The following ARHGAP10 variants were observed in gnomAD, a reference collection of about 807,000 sequenced individuals.
ARHGAP10 encodes the protein rho GTPase-activating protein 10.
In ARHGAP10, 87 loss-of-function variants were observed where a neutral mutation model predicts 108.6. The observed-to-expected ratio is 0.80, with a 90% confidence interval of 0.67 to 0.96. ARHGAP10 has a LOEUF of 0.96. Ranked by LOEUF, ARHGAP10 falls within the 40% of genes least tolerant of loss-of-function variation. ARHGAP10 has a pLI of 0.00. For synonymous variants in ARHGAP10, 347 were observed against 341.1 expected (o/e 1.02, Z -0.19); for missense variants, 939 against 954.5 (o/e 0.98, Z 0.21).
chr4:147,898,622 C>T (rs1156289861), intron 10 of ARHGAP10, among the ~76,000 whole-genome samples: 1 of 152,144 alleles, frequency 6.6e-6, no homozygotes, highest in African/African-American at 2.4e-5. Context: ...TATGTCAGAG[C>T]ATTTGATACT....
chr4:147,824,699 G>A (rs893396840), intron 3 of ARHGAP10, among the ~76,000 whole-genome samples: 1 of 152,108 alleles, frequency 6.6e-6, no homozygotes, highest in Admixed American at 6.5e-5. Flanking sequence ...AGAACCTTCA[G>A]ATCTCACAGG....
chr4:147,925,796 G>C (rs1737439064), intron 13 of ARHGAP10, among the ~76,000 whole-genome samples: 1 of 152,212 alleles, frequency 6.6e-6, no homozygotes, highest in Non-Finnish European at 1.5e-5. Context: ...TCAGTAGCTA[G>C]AGCAGTGCAT....
chr4:148,009,414 G>A (rs1209841651), intron 18 of ARHGAP10, among the ~76,000 whole-genome samples: 1 of 152,152 alleles, frequency 6.6e-6, no homozygotes, highest in East Asian at 1.9e-4. Context: ...TTATAGCCAT[G>A]AGGCGCCATG....
intron 7 of ARHGAP10, among the ~76,000 whole-genome samples, chr4:147,874,550 G>T (rs950636423): frequency 6.6e-6 from 1 of 152,134 alleles, no homozygotes; most frequent in Non-Finnish European, 1.5e-5. Context: ...TTATTAGTTT[G>T]CAAAGAAGAA....
chr4:147,779,271 C>T (rs1008258344), intron 1 of ARHGAP10, among the ~76,000 whole-genome samples: 16 of 152,106 alleles, frequency 1.1e-4, no homozygotes, highest in Non-Finnish European at 1.3e-4. Flanking sequence ...CAGCCTGGCA[C>T]CCACCTCCAG....
chr4:147,893,059 G>A lies in ARHGAP10; in HGVS notation c.1034+11127G>A, dbSNP rs141794762. Among the ~76,000 whole-genome samples, 708 of 150,724 alleles carry A rather than the reference G, an allele frequency of 4.7e-3. 5 individuals carry two copies. Among genetic ancestry groups the A allele is most frequent in the African/African-American group, 0.017 (671 of 40,188 alleles). ...CAAATACTTGTGGAATTGAATGGAA[G>A]TAAATTTTTTTTTTTTTGAGACGGA... On this transcript the variant is annotated intron_variant, in intron 10 of 22. Transcript: ENST00000336498.
intron 1 of ARHGAP10, among the ~76,000 whole-genome samples, chr4:147,757,611 A>G (rs60682964): frequency 0.026 from 3,965 of 152,214 alleles, 150 homozygotes; most frequent in African/African-American, 0.084. Flanking sequence ...TAGCATTGAC[A>G]ACTTCCATCC....
intron 10 of ARHGAP10, among the ~76,000 whole-genome samples, chr4:147,899,887 T>C (rs1736163595): frequency 6.6e-6 from 1 of 151,950 alleles, no homozygotes; most frequent in African/African-American, 2.4e-5. Context: ...TTTTTTTTTT[T>C]TTTTCCTTTT....
intron 19 of ARHGAP10, among the ~76,000 whole-genome samples, chr4:148,046,387 T>G (rs1728884842): frequency 6.6e-6 from 1 of 152,214 alleles, no homozygotes; most frequent in Non-Finnish European, 1.5e-5. Flanking sequence ...ATGTGTGGGA[T>G]TTTAATGTTG....
At chr4:147,769,714 GAT>G (rs1244805509) in intron 1 of ARHGAP10, among the ~76,000 whole-genome samples, 1 of 152,152 alleles carries the variant, frequency 6.6e-6, no homozygotes, top group Non-Finnish European at 1.5e-5. Flanking sequence ...ATCTGTTTGA[GAT>G]ATTTTTTTCT....
intron 18 of ARHGAP10, 80 bp from the exon 19 acceptor site, chr4:148,023,183 T>A: frequency 6.6e-7 from 1 of 1,513,032 alleles, no homozygotes; most frequent in South Asian, 1.3e-5. Flanking sequence ...AAATCAAATG[T>A]TGTGGTGCTG....
intron 1 of ARHGAP10, among the ~76,000 whole-genome samples, chr4:147,762,827 G>A (rs1373253469): frequency 6.6e-6 from 1 of 152,056 alleles, no homozygotes; most frequent in Non-Finnish European, 1.5e-5. Flanking sequence ...ACCACACCTG[G>A]CCGCTTTTTT....
chr4:147,926,374 A>G (rs1180349316), intron 13 of ARHGAP10, among the ~76,000 whole-genome samples: 1 of 152,078 alleles, frequency 6.6e-6, no homozygotes, highest in Non-Finnish European at 1.5e-5. Context: ...GGATAGGAAG[A>G]GAGACTTCGC....
intron 1 of ARHGAP10, among the ~76,000 whole-genome samples, chr4:147,791,618 G>A (rs1456056452): frequency 1.3e-5 from 2 of 151,256 alleles, no homozygotes; most frequent in African/African-American, 2.4e-5. Flanking sequence ...TGCGGGGCAT[G>A]GAGTTGCCCA....
intron 10 of ARHGAP10, among the ~76,000 whole-genome samples, chr4:147,905,458 CAG>C (rs1378273845): frequency 7.6e-6 from 1 of 132,136 alleles, no homozygotes; most frequent in Non-Finnish European, 1.6e-5. Flanking sequence ...TATGGCCAGC[CAG>C]TTTTCACAGC....
At chr4:147,827,959 C>T (rs1405296793) in intron 3 of ARHGAP10, among the ~76,000 whole-genome samples, 4 of 152,140 alleles carry the variant, frequency 2.6e-5, no homozygotes, top group Non-Finnish European at 2.9e-5. Context: ...GTGTGCGCCA[C>T]CACGCCCAGC....
intron 20 of ARHGAP10, among the ~76,000 whole-genome samples, chr4:148,060,272 T>G (rs192330980): frequency 6.6e-6 from 1 of 152,246 alleles, no homozygotes; most frequent in East Asian, 1.9e-4. Flanking sequence ...AAAAAATGTT[T>G]CGATTCTTCT....
At chr4:147,909,665 T>C in intron 11 of ARHGAP10, 67 bp from the exon 12 acceptor site, 1 of 1,318,374 alleles carries the variant, frequency 7.6e-7, no homozygotes, top group African/African-American at 1.5e-5. Context: ...TGGTCCTCAG[T>C]GTGCCTACTT....
intron 1 of ARHGAP10, among the ~76,000 whole-genome samples, chr4:147,789,358 C>G (rs973365912): frequency 5.3e-5 from 8 of 152,228 alleles, no homozygotes; most frequent in African/African-American, 1.9e-4. Flanking sequence ...GGCACGATCT[C>G]AGCTCACTGC....
Sources: allele counts gnomAD v4.1 joint callset (sites outside exome capture counted in the v4.1 genomes callset), GRCh38; gene constraint gnomAD v4.1.1; transcripts MANE v1.5; gene names NCBI Gene and HGNC (gene_info 2026-07-23, HGNC 2026-07-21).